Variants in SPOCK3 observed in about 807,000 individuals in gnomAD.
SPOCK3 encodes testican-3.
SPOCK3 carries 30 observed loss-of-function variants against 56.6 expected under a neutral mutation model. That is an observed-to-expected ratio of 0.53 (90% confidence interval 0.40 to 0.72). SPOCK3 has a LOEUF of 0.72. SPOCK3 is among the 30% of genes least tolerant of loss of function. The pLI is 0.00. For missense variants in SPOCK3, 527 were observed against 530.0 expected (o/e 0.99, Z 0.06); for synonymous variants, 196 against 183.3 (o/e 1.07, Z -0.56).
intron 2 of SPOCK3, among the ~76,000 whole-genome samples, chr4:167,213,875 C>T (rs1237218726): frequency 1.3e-5 from 2 of 152,034 alleles, no homozygotes; most frequent in East Asian, 1.9e-4. Context: ...AAATTGTAAA[C>T]GTCAAGGTGG....
chr4:166,960,013 A>G (rs1743969479), intron 4 of SPOCK3, among the ~76,000 whole-genome samples: 1 of 152,186 alleles, frequency 6.6e-6, no homozygotes, highest in South Asian at 2.1e-4. Context: ...GAGCTATTTC[A>G]TAATGTTACC....
At chr4:167,002,875 AT>A (rs1402913499) in intron 3 of SPOCK3, among the ~76,000 whole-genome samples, 1 of 152,204 alleles carries the variant, frequency 6.6e-6, no homozygotes, top group East Asian at 1.9e-4. Flanking sequence ...ACTTTTTAAA[AT>A]TCATTAAACA....
chr4:167,194,516 GC>G (rs1732756894), intron 2 of SPOCK3, among the ~76,000 whole-genome samples: 1 of 152,178 alleles, frequency 6.6e-6, no homozygotes, highest in South Asian at 2.1e-4. Flanking sequence ...GATCCACGTA[GC>G]CTTTCACTGG....
chr4:167,149,963 G>A (rs111291654), intron 2 of SPOCK3, among the ~76,000 whole-genome samples: 2 of 151,896 alleles, frequency 1.3e-5, no homozygotes, highest in Admixed American at 6.6e-5. Flanking sequence ...TAAGCTTCAG[G>A]TAATTCATTT....
At chr4:167,042,924 T>C (rs1439047640) in intron 3 of SPOCK3, among the ~76,000 whole-genome samples, 1 of 152,146 alleles carries the variant, frequency 6.6e-6, no homozygotes, top group Non-Finnish European at 1.5e-5. Flanking sequence ...TGTTTACTTA[T>C]TACTGGCAGC....
chr4:167,164,947 A>G (rs1580487890), intron 2 of SPOCK3, among the ~76,000 whole-genome samples: 1 of 152,228 alleles, frequency 6.6e-6, no homozygotes, highest in East Asian at 1.9e-4. Context: ...TCCTTTGGGT[A>G]TATATCCAGT....
chr4:166,895,815 G>T (rs997088503), intron 5 of SPOCK3, among the ~76,000 whole-genome samples: 2 of 152,162 alleles, frequency 1.3e-5, no homozygotes, highest in African/African-American at 4.8e-5. Flanking sequence ...AAATGAGAAA[G>T]ATGGGCAAGA....
intron 2 of SPOCK3, among the ~76,000 whole-genome samples, chr4:167,128,330 T>A (rs926135889): frequency 6.6e-6 from 1 of 152,320 alleles, no homozygotes; most frequent in East Asian, 1.9e-4. Context: ...TTACCCTTCA[T>A]CTTACTGGAC....
intron 2 of SPOCK3, among the ~76,000 whole-genome samples, chr4:167,163,614 T>C (rs753318714): frequency 2.0e-5 from 3 of 150,068 alleles, no homozygotes; most frequent in Non-Finnish European, 4.4e-5. Flanking sequence ...GTAACCATCA[T>C]TCTGCTGCCT....
At chr4:167,190,030 C>T (rs1384007000) in intron 2 of SPOCK3, among the ~76,000 whole-genome samples, 1 of 145,716 alleles carries the variant, frequency 6.9e-6, no homozygotes. Context: ...TCACGAAGGA[C>T]ACTTAGATTG....
intron 2 of SPOCK3, among the ~76,000 whole-genome samples, chr4:167,182,453 A>G (rs1260466656): frequency 1.3e-5 from 2 of 152,042 alleles, no homozygotes; most frequent in Admixed American, 1.3e-4. Flanking sequence ...GCTCAAAGAA[A>G]GATATTTGGA....
At chr4:167,078,127 C>T (rs1044016216) in intron 2 of SPOCK3, among the ~76,000 whole-genome samples, 1 of 151,736 alleles carries the variant, frequency 6.6e-6, no homozygotes, top group Non-Finnish European at 1.5e-5. Flanking sequence ...GCCATGAGAG[C>T]TGTGGCTTAG....
At chr4:167,001,034 C>G (rs1300651241) in intron 3 of SPOCK3, among the ~76,000 whole-genome samples, 1 of 152,106 alleles carries the variant, frequency 6.6e-6, no homozygotes, top group Non-Finnish European at 1.5e-5. Flanking sequence ...ATATTTGGAC[C>G]ACCATTTCTT....
At chr4:167,097,696 G>T (rs1473689247) in intron 2 of SPOCK3, among the ~76,000 whole-genome samples, 2 of 151,244 alleles carry the variant, frequency 1.3e-5, no homozygotes, top group Non-Finnish European at 1.5e-5. Flanking sequence ...CTCATTATTG[G>T]GTATATACCC....
At chr4:166,990,349 C>A (rs1747639647) in intron 4 of SPOCK3, among the ~76,000 whole-genome samples, 1 of 151,740 alleles carries the variant, frequency 6.6e-6, no homozygotes, top group Non-Finnish European at 1.5e-5. Context: ...ATGTAACTAA[C>A]CTGCATGTTG....
intron 4 of SPOCK3, among the ~76,000 whole-genome samples, chr4:166,919,725 C>T (rs1004360291): frequency 6.6e-6 from 1 of 152,056 alleles, no homozygotes; most frequent in African/African-American, 2.4e-5. Flanking sequence ...TTATAATGGA[C>T]AAGAAATCTT....
intron 5 of SPOCK3, among the ~76,000 whole-genome samples, chr4:166,893,933 T>C (rs1410462198): frequency 6.6e-6 from 1 of 152,140 alleles, no homozygotes; most frequent in East Asian, 1.9e-4. Context: ...CCCTATTGAA[T>C]GGTGTTCTCC....
chr4:167,208,396 C>T (rs1734557214), intron 2 of SPOCK3, among the ~76,000 whole-genome samples: 1 of 152,060 alleles, frequency 6.6e-6, no homozygotes, highest in Non-Finnish European at 1.5e-5. Context: ...TATTTTGGAG[C>T]ATTATTTCTC....
intron 2 of SPOCK3, among the ~76,000 whole-genome samples, chr4:167,174,165 TTAATG>T (rs1730757546): frequency 2.0e-5 from 3 of 152,046 alleles, no homozygotes; most frequent in Admixed American, 6.6e-5. Flanking sequence ...CTATATAATA[TTAATG>T]TAAACAGCAG....
Sources: gnomAD v4.1 joint callset for allele counts (sites outside exome capture counted in the v4.1 genomes callset) on GRCh38, gnomAD v4.1.1 for gene constraint, MANE v1.5 for transcripts, NCBI Gene and HGNC (gene_info 2026-07-23, HGNC 2026-07-21) for gene names.